The following DLGAP2 variants were observed in gnomAD, a reference collection of about 807,000 sequenced individuals.
The protein encoded by DLGAP2 is DLG associated protein 2.
In DLGAP2, 26 loss-of-function variants were observed where a neutral mutation model predicts 100.3. That is an observed-to-expected ratio of 0.26 (90% confidence interval 0.19 to 0.36). DLGAP2 has a LOEUF of 0.36. Among genes scored for constraint, DLGAP2 ranks in the 10% least tolerant of loss-of-function variants. The pLI, the probability that DLGAP2 is intolerant of heterozygous loss-of-function variation, is 1.00. For synonymous variants in DLGAP2, 886 were observed against 630.1 expected, an observed-to-expected ratio of 1.41 and a Z score of -6.08; for missense variants, 1,858 against 1,453.2, an observed-to-expected ratio of 1.28 and a Z score of -4.53.
intron 2 of DLGAP2, among the ~76,000 whole-genome samples, chr8:963,395 T>A (rs1799773430): frequency 6.6e-6 from 1 of 152,188 alleles, no homozygotes; most frequent in Non-Finnish European, 1.5e-5. Context: ...ACACAAAAGA[T>A]AAAGAATAAC....
intron 2 of DLGAP2, among the ~76,000 whole-genome samples, chr8:1,151,051 C>A (rs919110751): frequency 6.6e-6 from 1 of 152,122 alleles, no homozygotes; most frequent in African/African-American, 2.4e-5. Flanking sequence ...CCTCCACTTT[C>A]TTTTTTCATT....
At chr8:780,618 C>T (rs1027793073) in intron 1 of DLGAP2, among the ~76,000 whole-genome samples, 1 of 152,250 alleles carries the variant, frequency 6.6e-6, no homozygotes, top group Non-Finnish European at 1.5e-5. Flanking sequence ...CACCCATATC[C>T]TCAGCCACAT....
intron 8 of DLGAP2, among the ~76,000 whole-genome samples, chr8:1,647,866 G>A (rs994431188): frequency 6.6e-6 from 1 of 152,138 alleles, no homozygotes; most frequent in Non-Finnish European, 1.5e-5. Context: ...CAGCCTCCTT[G>A]TTCATAGGCA....
intron 2 of DLGAP2, among the ~76,000 whole-genome samples, chr8:912,469 G>T (rs1798504675): frequency 6.6e-6 from 1 of 152,180 alleles, no homozygotes; most frequent in African/African-American, 2.4e-5. Flanking sequence ...TGAGTGAGAG[G>T]GTGGGTGGGG....
intron 14 of DLGAP2, 106 bp downstream of exon 14, chr8:1,697,405 G>A: frequency 1.4e-6 from 2 of 1,463,392 alleles, no homozygotes; most frequent in Non-Finnish European, 1.8e-6. Flanking sequence ...TCTTTTGCTG[G>A]CAACACACGA....
intron 2 of DLGAP2, among the ~76,000 whole-genome samples, chr8:994,857 TG>T (rs1800742871): frequency 6.6e-6 from 1 of 152,174 alleles, no homozygotes; most frequent in Non-Finnish European, 1.5e-5. Context: ...TACGGACTGC[TG>T]GGGTATTTTA....
chr8:1,432,148 A>G (rs1484828530), intron 3 of DLGAP2, among the ~76,000 whole-genome samples: 5 of 152,196 alleles, frequency 3.3e-5, no homozygotes, highest in Admixed American at 6.5e-5. Flanking sequence ...GGCTAGTTCC[A>G]CTTCACATAC....
At chr8:1,048,231 C>T (rs1019541606) in intron 2 of DLGAP2, among the ~76,000 whole-genome samples, 8 of 152,124 alleles carry the variant, frequency 5.3e-5, no homozygotes, top group African/African-American at 1.9e-4. Context: ...CTGTGCCCGG[C>T]GCGTGTTCTC....
intron 13 of DLGAP2, among the ~76,000 whole-genome samples, chr8:1,696,878 T>C (rs776877122): frequency 1.4e-4 from 21 of 152,236 alleles, no homozygotes; most frequent in Non-Finnish European, 2.4e-4. Flanking sequence ...GTGAAGCATT[T>C]AGAAACTCTC....
intron 1 of DLGAP2, among the ~76,000 whole-genome samples, chr8:836,628 G>A (rs1441575852): frequency 1.3e-5 from 2 of 152,182 alleles, no homozygotes; most frequent in African/African-American, 4.8e-5. Flanking sequence ...GGCAGGGGGT[G>A]GGGTTGGGGT....
intron 3 of DLGAP2, among the ~76,000 whole-genome samples, chr8:1,449,062 C>G (rs117511799): frequency 9.2e-5 from 14 of 152,088 alleles, no homozygotes; most frequent in Non-Finnish European, 1.5e-4. Flanking sequence ...CATCCCGGCC[C>G]CCCAGAGCAG....
At chr8:923,718 G>C (rs1282804518) in intron 2 of DLGAP2, among the ~76,000 whole-genome samples, 1 of 152,210 alleles carries the variant, frequency 6.6e-6, no homozygotes, top group African/African-American at 2.4e-5. Flanking sequence ...TTGAACCTGT[G>C]CTTGTATCAG....
chr8:924,727 C>A (rs1358071813), intron 2 of DLGAP2, among the ~76,000 whole-genome samples: 1 of 152,060 alleles, frequency 6.6e-6, no homozygotes, highest in African/African-American at 2.4e-5. Flanking sequence ...GGATTACAGG[C>A]ATGCACCACC....
intron 2 of DLGAP2, among the ~76,000 whole-genome samples, chr8:1,195,032 C>T (rs1200183794): frequency 1.3e-5 from 2 of 152,240 alleles, no homozygotes; most frequent in Non-Finnish European, 2.9e-5. Context: ...AGCTTGGGCA[C>T]ACTTTGTTCG....
At chr8:1,483,664 G>GCAGGGAGGAAGGTGCAGGAGGTGGGGAC (rs1799163280) in intron 3 of DLGAP2, among the ~76,000 whole-genome samples, 8 of 121,996 alleles carry the variant, frequency 6.6e-5, no homozygotes, top group Non-Finnish European at 1.2e-4. Context: ...TCTACACAGA[G>GCAGGGAGGAAGGTGCAGGAGGTGGGGAC]CAGGGAGGCA....
At chr8:1,007,636 G>GGC (rs1554464763) in intron 2 of DLGAP2, among the ~76,000 whole-genome samples, 1 of 137,342 alleles carries the variant, frequency 7.3e-6, no homozygotes. Context: ...TTTTTTTTTT[G>GGC]GGGGGGGGAT....
intron 3 of DLGAP2, among the ~76,000 whole-genome samples, chr8:1,262,758 A>C (rs1049475530): frequency 1.3e-5 from 2 of 152,200 alleles, no homozygotes; most frequent in Admixed American, 6.5e-5. Flanking sequence ...TAATCTGTCA[A>C]TTTAATATCG....
chr8:1,174,054 G>C (rs896710602), intron 2 of DLGAP2, among the ~76,000 whole-genome samples: 7 of 152,192 alleles, frequency 4.6e-5, no homozygotes, highest in Admixed American at 4.6e-4. Flanking sequence ...TCATGACACA[G>C]CTATGCCTGG....
chr8:1,325,802 T>C (rs1235084340), intron 3 of DLGAP2, among the ~76,000 whole-genome samples: 2 of 152,162 alleles, frequency 1.3e-5, no homozygotes, highest in Non-Finnish European at 2.9e-5. Context: ...GTATCAAGAG[T>C]TGTCGTCAGC....
Sources: allele counts gnomAD v4.1 joint callset (sites outside exome capture counted in the v4.1 genomes callset), GRCh38; gene constraint gnomAD v4.1.1; transcripts MANE v1.5; gene names NCBI Gene and HGNC (gene_info 2026-07-23, HGNC 2026-07-21).